Variants in VAV3 observed in about 807,000 individuals in gnomAD.
The protein encoded by VAV3 is guanine nucleotide exchange factor VAV3.
VAV3 carries 94 observed loss-of-function variants against 131.2 expected under a neutral mutation model. The observed-to-expected ratio is 0.72, with a 90% confidence interval of 0.61 to 0.85. VAV3 has a LOEUF of 0.85. Ranked by LOEUF, VAV3 falls within the 40% of genes least tolerant of loss-of-function variation. The pLI is 0.00. For synonymous variants in VAV3, 349 were observed against 342.0 expected, an observed-to-expected ratio of 1.02 and a Z score of -0.22; for missense variants, 939 against 1,002.7, an observed-to-expected ratio of 0.94 and a Z score of 0.86.
chr1:107,634,422 T>G (rs908310980), intron 20 of VAV3, among the ~76,000 whole-genome samples: 6 of 152,072 alleles, frequency 3.9e-5, no homozygotes, highest in Non-Finnish European at 8.8e-5. Flanking sequence ...TAGCCATATG[T>G]AGAAAGCTGA....
intron 19 of VAV3, chr1:107,672,053 A>T (rs1302060868): frequency 6.6e-6 from 1 of 152,186 alleles, no homozygotes. Flanking sequence ...GGATTACATG[A>T]GGCCAAGAGT....
At chr1:107,651,669 T>C (rs1327317266) in intron 19 of VAV3, among the ~76,000 whole-genome samples, 2 of 152,064 alleles carry the variant, frequency 1.3e-5, no homozygotes, top group Non-Finnish European at 2.9e-5. Context: ...AAACCATTTC[T>C]TGCCACCTTC....
At chr1:107,929,814 A>G (rs942372974) in intron 1 of VAV3, among the ~76,000 whole-genome samples, 2 of 152,208 alleles carry the variant, frequency 1.3e-5, no homozygotes, top group African/African-American at 4.8e-5. Context: ...GAATGGATAA[A>G]GAAAATGTGG....
chr1:107,779,467 G>T lies in VAV3; in HGVS notation c.347C>A (p.Ser116Tyr). Residue 116 changes from serine to tyrosine, a missense_variant, in exon 3 of 27, where the codon TCT becomes TAT. Physicochemically the swap from Ser to Tyr is moderately radical, Grantham distance 144. Transcript: ENST00000370056. The stretch of plus-strand genomic sequence containing the variant: ...TGTGGCCAATGCTATAGGTGTTCGA[G>T]AAAGTCGTGATAATGTTTCTATAAC... Reference protein sequence around the residue: ...GKVIETLSRLSRTPIALATGI... With the variant: ...GKVIETLSRLYRTPIALATGI... 1.3e-6 allele frequency: 2 copies of T among 1,591,166 alleles called. No homozygotes were observed. The highest frequency in any genetic ancestry group is 1.7e-6 in the Non-Finnish European group (2 of 1,168,318).
rs746473457 is a variant in VAV3 at position 107,964,654 on chromosome 1, C to T, written c.204+12G>A. On this transcript the variant is annotated intron_variant, in intron 1 of 26. Coordinates refer to ENST00000370056, the MANE Select transcript of VAV3 (RefSeq NM_006113.5). ...CCGGCTGGAGGCGGGGCGCCCGTGC[C>T]GGCCTCCTCACCTGGGACATCTGCG... is the stretch of plus-strand genomic sequence containing the variant. 1.2e-6 allele frequency: 2 copies of T among 1,608,446 alleles called. No homozygotes were observed. Among genetic ancestry groups the T allele is most frequent in the African/African-American group, 1.3e-5 (1 of 74,794 alleles).
At chr1:107,718,056 T>A (rs1661227381) in intron 15 of VAV3, among the ~76,000 whole-genome samples, 1 of 152,098 alleles carries the variant, frequency 6.6e-6, no homozygotes, top group African/African-American at 2.4e-5. Context: ...GGAACGTATC[T>A]CAAAATAATA....
At chr1:107,734,470 C>T (rs1662461836) in intron 15 of VAV3, among the ~76,000 whole-genome samples, 1 of 152,102 alleles carries the variant, frequency 6.6e-6, no homozygotes, top group South Asian at 2.1e-4. Flanking sequence ...ACCCATCTCA[C>T]GTGCAGAGAC....
Position 107,692,542 on chromosome 1 carries a change from C to A in VAV3, c.1706-4136G>T, listed in dbSNP as rs920206585. On this transcript the variant is annotated intron_variant, in intron 17 of 26. Coordinates refer to ENST00000370056, the MANE Select transcript of VAV3 (RefSeq NM_006113.5). ...CACGTAAAAGTACTGTGATAAAATG[C>A]CTAGCAGTAGAAGGCTGAAATAAAA... 2.6e-5 allele frequency among the ~76,000 whole-genome samples: 4 copies of A among 152,192 alleles called. No individual in the cohort carries two copies. In the East Asian group the frequency reaches 7.7e-4, roughly 29 times the overall value.
chr1:107,856,174 T>A (rs868615877), intron 2 of VAV3, among the ~76,000 whole-genome samples: 1 of 152,194 alleles, frequency 6.6e-6, no homozygotes, highest in African/African-American at 2.4e-5. Flanking sequence ...AAAGCCGACA[T>A]GAAATCTGGG....
chr1:107,878,711 C>T (rs1282729643), intron 1 of VAV3, among the ~76,000 whole-genome samples: 2 of 152,132 alleles, frequency 1.3e-5, no homozygotes, highest in Non-Finnish European at 2.9e-5. Context: ...AGGCTAAACT[C>T]AATCATTTAG....
At chr1:107,800,640 T>G (rs1666784829) in intron 2 of VAV3, among the ~76,000 whole-genome samples, 1 of 152,208 alleles carries the variant, frequency 6.6e-6, no homozygotes, top group South Asian at 2.1e-4. Context: ...ACCCAGGTAG[T>G]GAGCATAGTA....
At chr1:107,622,648 G>A (rs185647262) in intron 20 of VAV3, among the ~76,000 whole-genome samples, 1 of 152,306 alleles carries the variant, frequency 6.6e-6, no homozygotes. Context: ...TGAACGATTG[G>A]AAATTCTCCC....
chr1:107,890,967 T>C lies in VAV3; in HGVS notation c.205-15950A>G, dbSNP rs576004828. 9.9e-5 allele frequency among the ~76,000 whole-genome samples: 15 copies of C among 150,902 alleles called. No homozygotes were observed. In the East Asian group the frequency reaches 2.7e-3, roughly 28 times the overall value. ...GCAGATGTGGTGTAGGGTTTTATTA[T>C]TTTGGTTTTTTTAATCTAACACTGT... On this transcript the variant is annotated intron_variant, in intron 1 of 26. Coordinates refer to ENST00000370056, the MANE Select transcript of VAV3 (RefSeq NM_006113.5).
At position 107,906,298 on chromosome 1, in the gene VAV3, T is replaced by C. The variant is rs1242549544; in HGVS notation, c.205-31281A>G. Among the ~76,000 whole-genome samples, 27 of 152,224 alleles carry C rather than the reference T, an allele frequency of 1.8e-4. 1 individual carries two copies. The highest frequency in any genetic ancestry group is 1.7e-3 in the Admixed American group (26 of 15,288). ...GTTTTTAAGAGAGAGGGTTTCATTC[T>C]GTCACCCAGGCTGAAATGGCCAGCA... On this transcript the variant is annotated intron_variant, in intron 1 of 26. Transcript: ENST00000370056.
intron 12 of VAV3, among the ~76,000 whole-genome samples, chr1:107,753,528 G>A (rs376575863): frequency 0.46 from 31,457 of 68,612 alleles, 6,639 homozygotes; most frequent in African/African-American, 0.5. Context: ...ATATATATAC[G>A]TATATATATA....
At chr1:107,824,598 T>C (rs906723320) in intron 2 of VAV3, among the ~76,000 whole-genome samples, 1 of 152,152 alleles carries the variant, frequency 6.6e-6, no homozygotes, top group Non-Finnish European at 1.5e-5. Flanking sequence ...CTGGAACATA[T>C]ACACTATCTA....
intron 25 of VAV3, among the ~76,000 whole-genome samples, chr1:107,582,247 T>C (rs961262852): frequency 2.6e-5 from 4 of 152,280 alleles, no homozygotes; most frequent in African/African-American, 9.6e-5. Flanking sequence ...ATTTAATGAA[T>C]GCTTAATTTA....
At chr1:107,599,689 C>T (rs1329878850) in intron 24 of VAV3, among the ~76,000 whole-genome samples, 1 of 151,712 alleles carries the variant, frequency 6.6e-6, no homozygotes, top group Non-Finnish European at 1.5e-5. Flanking sequence ...AGGTCAAAAC[C>T]ACCTAAGGCC....
At chr1:107,754,748 C>G (rs1663997932) in intron 12 of VAV3, among the ~76,000 whole-genome samples, 1 of 152,202 alleles carries the variant, frequency 6.6e-6, no homozygotes, top group Non-Finnish European at 1.5e-5. Flanking sequence ...TACCTTTCAG[C>G]TTCTTGAATA....
Sources: gnomAD v4.1 joint callset for allele counts (sites outside exome capture counted in the v4.1 genomes callset) on GRCh38, gnomAD v4.1.1 for gene constraint, MANE v1.5 for transcripts, NCBI Gene and HGNC (gene_info 2026-07-23, HGNC 2026-07-21) for gene names.